The following TTC7A variants were observed in gnomAD, a reference collection of about 807,000 sequenced individuals.
The protein encoded by TTC7A is tetratricopeptide repeat domain 7A, also known as tetratricopeptide repeat protein 7A.
Under a neutral mutation model 103.7 loss-of-function variants are expected in TTC7A, and 110 were observed. The observed-to-expected ratio is 1.06, with a 90% CI of 0.91 to 1.24. TTC7A has a LOEUF of 1.24. Ranked by LOEUF, TTC7A falls within the 50% of genes most tolerant of loss-of-function variation. The probability of loss-of-function intolerance (pLI) is 0.00; values close to 1 mark genes in which losing one functional copy is unlikely to be tolerated. For missense variants in TTC7A, 1,340 were observed against 1,116.3 expected (o/e 1.20, Z -2.86); for synonymous variants, 521 against 467.9 (o/e 1.11, Z -1.47).
At chr2:46,917,374 G>C in intron 2 of TTC7A, 1 of 587,940 alleles carries the variant, frequency 1.7e-6, no homozygotes, top group Non-Finnish European at 3.0e-6. Context: ...CTTTGGATTA[G>C]TTTGATCTAG....
chr2:46,962,286 G>A (rs372786123), intron 3 of TTC7A, among the ~76,000 whole-genome samples: 34 of 152,292 alleles, frequency 2.2e-4, no homozygotes, highest in East Asian at 1.7e-3. Flanking sequence ...GTCCTGTGCT[G>A]AGAGCTTCCC....
At chr2:46,982,209 C>CA (rs1204746342) in intron 5 of TTC7A, among the ~76,000 whole-genome samples, 17 of 151,590 alleles carry the variant, frequency 1.1e-4, no homozygotes, top group Non-Finnish European at 2.4e-4. Flanking sequence ...TTTGTCTCTA[C>CA]AAAAAATAAA....
At chr2:46,969,083 T>C (rs1180693406) in intron 3 of TTC7A, among the ~76,000 whole-genome samples, 1 of 152,130 alleles carries the variant, frequency 6.6e-6, no homozygotes, top group Non-Finnish European at 1.5e-5. Flanking sequence ...TCTATTGATA[T>C]AGATTAATTT....
chr2:46,998,511 G>A (rs1259468533), intron 8 of TTC7A, among the ~76,000 whole-genome samples: 1 of 152,210 alleles, frequency 6.6e-6, no homozygotes, highest in African/African-American at 2.4e-5. Flanking sequence ...TGTACCTGCA[G>A]GGTTTTCCTC....
At chr2:47,056,353 C>G (rs993685842) in intron 18 of TTC7A, among the ~76,000 whole-genome samples, 11 of 152,230 alleles carry the variant, frequency 7.2e-5, no homozygotes, top group Non-Finnish European at 1.6e-4. Context: ...ACCTATTTCT[C>G]TCCTGCCCTG....
intron 19 of TTC7A, among the ~76,000 whole-genome samples, chr2:47,069,954 AAG>A (rs1461824132): frequency 6.6e-6 from 1 of 152,230 alleles, no homozygotes; most frequent in African/African-American, 2.4e-5. Context: ...TGAGCTCAGA[AAG>A]AAAATTCCCA....
At chr2:46,945,120 A>C (rs1024866821) in intron 1 of TTC7A, among the ~76,000 whole-genome samples, 16 of 151,860 alleles carry the variant, frequency 1.1e-4, no homozygotes. Context: ...TCATCTTGAG[A>C]CTTTCTTTTT....
At chr2:46,933,277 T>C (rs1205481468) in intron 2 of TTC7A, among the ~76,000 whole-genome samples, 1 of 152,192 alleles carries the variant, frequency 6.6e-6, no homozygotes, top group Non-Finnish European at 1.5e-5. Context: ...GGAGAGATAT[T>C]GGTATCTCAA....
chr2:46,993,559 T>C (rs1675843451), intron 6 of TTC7A, 31 bp downstream of exon 6: 1 of 1,607,090 alleles, frequency 6.2e-7, no homozygotes, highest in African/African-American at 1.3e-5. Context: ...TGCTGGCTTA[T>C]TTAGGAGTCA....
intron 5 of TTC7A, among the ~76,000 whole-genome samples, chr2:46,982,339 A>G (rs1429788304): frequency 6.6e-6 from 1 of 152,050 alleles, no homozygotes; most frequent in African/African-American, 2.4e-5. Flanking sequence ...GTGCCACTGC[A>G]CTACAGCCTG....
At chr2:47,059,718 C>T (rs6734192) in intron 18 of TTC7A, among the ~76,000 whole-genome samples, 26,874 of 152,086 alleles carry the variant, frequency 0.18, 3,686 homozygotes, top group East Asian at 0.62. Context: ...AAGCTCTTAG[C>T]TCAGGGGACG....
rs144515492 is a variant in TTC7A, at chr2:47,025,989, A to G, written c.1641+1630A>G. ...TAAACCTTTGGTGATGCATTTTTTAACCTGTTCAGTTATTCATCCCTCTCT... is the reference window on the plus strand; with the variant it reads ...TAAACCTTTGGTGATGCATTTTTTAGCCTGTTCAGTTATTCATCCCTCTCT... On this transcript the variant is annotated intron_variant, in intron 14 of 19. Transcript: ENST00000319190. Among the ~76,000 whole-genome samples, 15 of 151,836 alleles carry G rather than the reference A, an allele frequency of 9.9e-5. No individual in the cohort carries two copies. The East Asian group carries it at 2.9e-3, about 29-fold the overall frequency.
At chr2:47,031,281 C>T (rs1680516820) in intron 15 of TTC7A, among the ~76,000 whole-genome samples, 1 of 152,178 alleles carries the variant, frequency 6.6e-6, no homozygotes, top group Non-Finnish European at 1.5e-5. Context: ...ATCCCAAGTA[C>T]AGTACAGTAA....
chr2:47,071,554 T>C (rs773029191), intron 19 of TTC7A, among the ~76,000 whole-genome samples: 1 of 152,216 alleles, frequency 6.6e-6, no homozygotes, highest in Non-Finnish European at 1.5e-5. Flanking sequence ...ACTGTTTCAT[T>C]GCTTTGGTTT....
At chr2:47,062,851 C>T (rs1683896554) in intron 19 of TTC7A, among the ~76,000 whole-genome samples, 1 of 152,096 alleles carries the variant, frequency 6.6e-6, no homozygotes, top group Non-Finnish European at 1.5e-5. Context: ...TTTTTCCTTC[C>T]TGGGGTGCCT....
At chr2:47,025,257 A>C (rs1679762653) in intron 14 of TTC7A, among the ~76,000 whole-genome samples, 2 of 152,184 alleles carry the variant, frequency 1.3e-5, no homozygotes, top group South Asian at 4.1e-4. Context: ...AGCCTGGGGA[A>C]GCCCTACCTT....
At chr2:46,961,633 G>A (rs969518140) in intron 3 of TTC7A, among the ~76,000 whole-genome samples, 15 of 141,108 alleles carry the variant, frequency 1.1e-4, no homozygotes, top group African/African-American at 3.2e-4. Context: ...GGCTGGGTGC[G>A]GTGGCTCATG....
intron 13 of TTC7A, among the ~76,000 whole-genome samples, 175 bp from the exon 14 acceptor site, chr2:47,024,112 C>T (rs957459225): frequency 7.9e-5 from 12 of 152,186 alleles, no homozygotes; most frequent in African/African-American, 2.4e-4. Flanking sequence ...GCCTGTGGGC[C>T]GCCTTCCTTG....
intron 1 of TTC7A, among the ~76,000 whole-genome samples, chr2:46,943,067 G>A (rs1670591824): frequency 6.6e-6 from 1 of 152,002 alleles, no homozygotes; most frequent in Non-Finnish European, 1.5e-5. Context: ...TACCATGCCC[G>A]GCTAATTTTT....
Sources: gnomAD v4.1 joint callset for allele counts (sites outside exome capture counted in the v4.1 genomes callset) on GRCh38, gnomAD v4.1.1 for gene constraint, MANE v1.5 for transcripts, NCBI Gene and HGNC (gene_info 2026-07-23, HGNC 2026-07-21) for gene names.